The following GLIS1 variants were observed in gnomAD, a reference collection of about 807,000 sequenced individuals.
GLIS1 encodes zinc finger protein GLIS1.
GLIS1 carries 24 observed loss-of-function variants against 63.8 expected under a neutral mutation model. The ratio of observed to expected loss-of-function variants is 0.38; its 90% CI spans 0.27 to 0.53. The LOEUF (loss-of-function observed/expected upper bound fraction) is 0.53. Among genes scored for constraint, GLIS1 ranks in the 20% least tolerant of loss-of-function variants. The pLI is 0.85. For synonymous variants in GLIS1, 450 were observed against 482.5 expected (o/e 0.93, Z 0.88); for missense variants, 1,036 against 1,074.1 (o/e 0.96, Z 0.50).
chr1:53,715,170 C>A (rs898946103), intron 2 of GLIS1, among the ~76,000 whole-genome samples: 2 of 152,206 alleles, frequency 1.3e-5, no homozygotes, highest in African/African-American at 4.8e-5. Context: ...TCTACCTCAG[C>A]CCCCCACAGT....
chr1:53,709,633 C>A (rs1385907547), intron 2 of GLIS1, among the ~76,000 whole-genome samples: 1 of 152,046 alleles, frequency 6.6e-6, no homozygotes, highest in Non-Finnish European at 1.5e-5. Flanking sequence ...ACTCTCCGAT[C>A]TGATTCATTT....
chr1:53,604,890 T>C (rs1645353221), intron 2 of GLIS1, among the ~76,000 whole-genome samples: 1 of 151,604 alleles, frequency 6.6e-6, no homozygotes, highest in Admixed American at 6.6e-5. Flanking sequence ...TCTGCCCTTG[T>C]ACCATTAAAA....
At chr1:53,522,914 TA>T (rs992144959) in intron 6 of GLIS1, among the ~76,000 whole-genome samples, 38 of 152,014 alleles carry the variant, frequency 2.5e-4, no homozygotes, top group African/African-American at 8.9e-4. Flanking sequence ...ACTTTGTTTC[TA>T]AAAATAAAAT....
chr1:53,706,035 C>T (rs759811134), intron 2 of GLIS1, among the ~76,000 whole-genome samples: 14 of 152,280 alleles, frequency 9.2e-5, no homozygotes, highest in South Asian at 6.2e-4. Context: ...TGTGCAGTGA[C>T]CTTGAAAAGT....
intron 2 of GLIS1, among the ~76,000 whole-genome samples, chr1:53,680,937 A>G (rs2100426922): frequency 6.6e-6 from 1 of 152,358 alleles, no homozygotes; most frequent in Non-Finnish European, 1.5e-5. Flanking sequence ...ACAAGACGGC[A>G]CACATGTGGC....
chr1:53,521,392 A>C, intron 6 of GLIS1, among the ~76,000 whole-genome samples: 1 of 151,748 alleles, frequency 6.6e-6, no homozygotes, highest in East Asian at 1.9e-4. Flanking sequence ...GGTTCAGTGG[A>C]AATAGTTCAG....
At chr1:53,588,702 C>T (rs1421830663) in intron 4 of GLIS1, among the ~76,000 whole-genome samples, 1 of 152,166 alleles carries the variant, frequency 6.6e-6, no homozygotes, top group Non-Finnish European at 1.5e-5. Context: ...AGCAGATGCA[C>T]AGGGACTCCA....
rs1646929734 is a variant in GLIS1 at position 53,738,002 on chromosome 1, G to C, written c.63C>G (p.Pro21=). ...GGCTGGCGGGGCCGCGGTCGGGGCC[G>C]GGCGCACCAGGGGCCTCCTTAGGCC... ...DKRPKEAPGA[P]GPDRGPASLG... is the part of the protein sequence containing the mutation. The change falls in exon 2 of 11, where the codon CCC becomes CCG. Residue 21 remains proline, a synonymous_variant. Transcript: ENST00000628545. 8.9e-6 allele frequency: 11 copies of C among 1,230,502 alleles called. 1 individual carries two copies. In the South Asian group the frequency reaches 1.6e-4, roughly 18 times the overall value. 76.2% of individuals were successfully genotyped at this position (1,230,502 alleles called of 1,614,324 possible).
chr1:53,715,316 G>C (rs1290364288), intron 2 of GLIS1, among the ~76,000 whole-genome samples: 1 of 152,144 alleles, frequency 6.6e-6, no homozygotes, highest in Non-Finnish European at 1.5e-5. Context: ...GTCCACCATG[G>C]GCAGGTGAGC....
At chr1:53,690,247 C>T (rs571031790) in intron 2 of GLIS1, among the ~76,000 whole-genome samples, 5 of 152,366 alleles carry the variant, frequency 3.3e-5, no homozygotes, top group East Asian at 3.9e-4. Context: ...ACCACGACAC[C>T]GCATCTTCAG....
intron 2 of GLIS1, among the ~76,000 whole-genome samples, chr1:53,644,756 T>C (rs1645824578): frequency 6.6e-6 from 1 of 151,946 alleles, no homozygotes; most frequent in Non-Finnish European, 1.5e-5. Flanking sequence ...GGCCCCGGGG[T>C]CCGGCATCAT....
intron 4 of GLIS1, among the ~76,000 whole-genome samples, chr1:53,530,415 G>C (rs1018158762): frequency 6.6e-6 from 1 of 152,168 alleles, no homozygotes; most frequent in Non-Finnish European, 1.5e-5. Flanking sequence ...TTGTTTCCTT[G>C]TTTTCAAGCT....
chr1:53,532,397 C>T (rs1462242630), intron 4 of GLIS1, among the ~76,000 whole-genome samples: 5 of 152,178 alleles, frequency 3.3e-5, no homozygotes, highest in Admixed American at 6.5e-5. Context: ...GCTCCCTCTG[C>T]GCCTGTCCCC....
intron 2 of GLIS1, among the ~76,000 whole-genome samples, chr1:53,689,745 A>G (rs1646381586): frequency 1.3e-5 from 2 of 152,134 alleles, no homozygotes; most frequent in Non-Finnish European, 2.9e-5. Context: ...GTCCAGGAGC[A>G]TGGCATCTGT....
intron 2 of GLIS1, among the ~76,000 whole-genome samples, chr1:53,687,487 A>C (rs1386219327): frequency 1.3e-5 from 2 of 152,126 alleles, no homozygotes; most frequent in Non-Finnish European, 2.9e-5. Context: ...GAGCCCCCAC[A>C]ATAACTCCTC....
At chr1:53,545,017 G>A (rs1644683675) in intron 4 of GLIS1, among the ~76,000 whole-genome samples, 1 of 152,216 alleles carries the variant, frequency 6.6e-6, no homozygotes, top group Non-Finnish European at 1.5e-5. Flanking sequence ...CTTTTTGCAG[G>A]CCCCTGGATC....
chr1:53,631,070 AT>A (rs1437164751), intron 2 of GLIS1, among the ~76,000 whole-genome samples: 13 of 152,144 alleles, frequency 8.5e-5, no homozygotes, highest in Admixed American at 8.5e-4. Flanking sequence ...ACTCTTCCCA[AT>A]TTTTTATTGC....
intron 4 of GLIS1, among the ~76,000 whole-genome samples, chr1:53,575,573 C>A (rs192482128): frequency 6.6e-6 from 1 of 152,312 alleles, no homozygotes; most frequent in Admixed American, 6.5e-5. Context: ...CTCAGGGTAT[C>A]CATCCCGTGG....
intron 4 of GLIS1, among the ~76,000 whole-genome samples, chr1:53,569,754 T>A (rs1644967310): frequency 6.6e-6 from 1 of 152,038 alleles, no homozygotes. Flanking sequence ...GTTGGCTGGG[T>A]ATAATATAAA....
Sources: gnomAD v4.1 joint callset for allele counts (sites outside exome capture counted in the v4.1 genomes callset) on GRCh38, gnomAD v4.1.1 for gene constraint, MANE v1.5 for transcripts, NCBI Gene and HGNC (gene_info 2026-07-23, HGNC 2026-07-21) for gene names.